Variants in CDH4 observed in about 807,000 individuals in gnomAD.
The protein encoded by CDH4 is cadherin-4.
Under a neutral mutation model 86.0 loss-of-function variants are expected in CDH4, and 33 were observed. That is an observed-to-expected ratio of 0.38 (90% confidence interval 0.29 to 0.51). The LOEUF is 0.51. CDH4 is among the 20% of genes least tolerant of loss of function. The probability of loss-of-function intolerance (pLI) is 0.86; values close to 1 mark genes in which losing one functional copy is unlikely to be tolerated. For synonymous variants in CDH4, 555 were observed against 549.4 expected, an observed-to-expected ratio of 1.01 and a Z score of -0.14; for missense variants, 1,114 against 1,307.4, an observed-to-expected ratio of 0.85 and a Z score of 2.28.
chr20:61,766,792 G>A (rs989421364), intron 3 of CDH4, among the ~76,000 whole-genome samples: 26 of 152,094 alleles, frequency 1.7e-4, no homozygotes, highest in African/African-American at 2.7e-4. Flanking sequence ...TTCCTGGCCC[G>A]TCCTGCCTGG....
At chr20:61,434,232 C>T (rs2085267397) in intron 2 of CDH4, among the ~76,000 whole-genome samples, 1 of 152,190 alleles carries the variant, frequency 6.6e-6, no homozygotes, top group South Asian at 2.1e-4. Context: ...AGCTCACACC[C>T]ACCATGGTTT....
Position 61,368,546 on chromosome 20 carries a change from AT to A in CDH4, c.169+113622del, listed in dbSNP as rs897452791. Among the ~76,000 whole-genome samples the A allele has an allele frequency of 1.3e-3, 185 of 147,064 alleles. 1 individual carries two copies. The highest frequency in any genetic ancestry group is 3.5e-3 in the Middle Eastern group (1 of 282). Reference sequence around the variant, plus strand: ...TTTATAAGTCACCCAAGGAATGGTAATTTTTTTTTTTTTGAGACAGAGTCTT... The same window carrying A: ...TTTATAAGTCACCCAAGGAATGGTAATTTTTTTTTTTTGAGACAGAGTCTT... On this transcript the variant is annotated intron_variant, in intron 2 of 15. Transcript: ENST00000614565.
intron 2 of CDH4, among the ~76,000 whole-genome samples, chr20:61,620,184 G>A: frequency 6.6e-6 from 1 of 150,770 alleles, no homozygotes. Context: ...ATGGGTGGGT[G>A]GGTGGATGGA....
intron 2 of CDH4, among the ~76,000 whole-genome samples, chr20:61,413,477 C>T (rs527543218): frequency 1.3e-3 from 199 of 152,248 alleles, no homozygotes; most frequent in African/African-American, 4.7e-3. Context: ...TAACAAGCCC[C>T]CCTGAGCCTC....
intron 2 of CDH4, among the ~76,000 whole-genome samples, chr20:61,642,754 C>T (rs1202120887): frequency 1.3e-5 from 2 of 152,194 alleles, no homozygotes; most frequent in Non-Finnish European, 2.9e-5. Flanking sequence ...ATTGAGGCTC[C>T]AGGGGAGAAA....
intron 2 of CDH4, among the ~76,000 whole-genome samples, chr20:61,567,441 A>T (rs1342150381): frequency 6.6e-6 from 1 of 152,196 alleles, no homozygotes; most frequent in African/African-American, 2.4e-5. Context: ...GTGTCCTGGC[A>T]TGGCAAGGGG....
intron 4 of CDH4, among the ~76,000 whole-genome samples, chr20:61,835,605 G>A (rs1386094867): frequency 6.6e-6 from 1 of 152,242 alleles, no homozygotes; most frequent in Non-Finnish European, 1.5e-5. Flanking sequence ...CTGGCCTCAA[G>A]GCTCAGTTCA....
At chr20:61,641,087 C>T (rs1341338440) in intron 2 of CDH4, among the ~76,000 whole-genome samples, 2 of 152,190 alleles carry the variant, frequency 1.3e-5, no homozygotes, top group Non-Finnish European at 2.9e-5. Flanking sequence ...CAGCCCTGTG[C>T]TGCCCTCTCA....
rs148545959 is a variant in CDH4 at position 61,732,971 on chromosome 20, C to T, written c.170-10592C>T. ...CCCCTTCAGCACCGGCTAGAGTGAC[C>T]AGCTGGGGGCCTAATTCTCCCCCTC... On this transcript the variant is annotated intron_variant, in intron 2 of 15. Transcript: ENST00000614565. Among the ~76,000 whole-genome samples, 1,193 of 152,260 alleles carry T rather than the reference C, an allele frequency of 7.8e-3. 25 individuals are homozygous for T. Among genetic ancestry groups the T allele is most frequent in the African/African-American group, 0.027 (1,134 of 41,544 alleles).
intron 2 of CDH4, among the ~76,000 whole-genome samples, chr20:61,391,035 G>C (rs977669774): frequency 3.3e-5 from 5 of 152,162 alleles, no homozygotes; most frequent in African/African-American, 1.2e-4. Flanking sequence ...GCCGCAGTGG[G>C]GGGTAGCCTG....
At chr20:61,737,294 C>T (rs1475042104) in intron 2 of CDH4, among the ~76,000 whole-genome samples, 5 of 152,122 alleles carry the variant, frequency 3.3e-5, no homozygotes, top group African/African-American at 4.8e-5. Flanking sequence ...GAACAGGAGG[C>T]CAGCGGTATG....
intron 2 of CDH4, among the ~76,000 whole-genome samples, chr20:61,686,379 GTA>G (rs369722630): frequency 6.6e-6 from 1 of 152,010 alleles, no homozygotes; most frequent in Admixed American, 6.5e-5. Flanking sequence ...TCGCATGTGT[GTA>G]TATGTGTGTG....
Position 61,252,442 on chromosome 20 carries a change from T to TCGGCGGCGG in CDH4, c.-55_-47dup, listed in dbSNP as rs3048343. 1.7e-5 allele frequency: 11 copies of TCGGCGGCGG among 646,266 alleles called. No homozygotes were observed. Among genetic ancestry groups the TCGGCGGCGG allele is most frequent in the Non-Finnish European group, 2.1e-5 (11 of 521,478 alleles). The allele number at this position is 646,266 out of a possible 1,614,324, so 40.0% of individuals were successfully genotyped here. On this transcript the variant is annotated 5_prime_UTR_variant, in exon 1 of 16. Transcript: ENST00000614565. This position sits in a 1 kb window ranked among gnomAD's most constrained non-coding sequence, Gnocchi z 4.4. ...GGCGATCGGAGCGGCGGCGGTGGTC[T>TCGGCGGCGG]CGGCGGCGGCGGCGGCGGCGGCGGC...
intron 6 of CDH4, among the ~76,000 whole-genome samples, chr20:61,854,008 G>A (rs559442219): frequency 1.3e-5 from 2 of 152,186 alleles, no homozygotes; most frequent in Non-Finnish European, 2.9e-5. Context: ...ATTTAGGACG[G>A]ACTTACACTA....
chr20:61,720,356 G>A (rs1379680302), intron 2 of CDH4, among the ~76,000 whole-genome samples: 4 of 152,128 alleles, frequency 2.6e-5, no homozygotes, highest in Non-Finnish European at 5.9e-5. Flanking sequence ...ACTTGAGAGT[G>A]ATGCAGGGGA....
At chr20:61,908,048 C>T (rs956542890) in intron 8 of CDH4, among the ~76,000 whole-genome samples, 6 of 152,182 alleles carry the variant, frequency 3.9e-5, no homozygotes, top group Non-Finnish European at 7.3e-5. Context: ...AGAGCTGGGC[C>T]GGGCTGCGGG....
At chr20:61,322,218 G>A (rs758327080) in intron 2 of CDH4, among the ~76,000 whole-genome samples, 4 of 152,154 alleles carry the variant, frequency 2.6e-5, no homozygotes, top group South Asian at 2.1e-4. Flanking sequence ...GGGAGCTAAC[G>A]TTCCTCATTT....
chr20:61,802,603 C>T (rs1429495290), intron 4 of CDH4, among the ~76,000 whole-genome samples: 2 of 152,148 alleles, frequency 1.3e-5, no homozygotes, highest in Non-Finnish European at 2.9e-5. Context: ...GGAGTCCACG[C>T]GTGGGTTTTT....
At chr20:61,415,140 A>G (rs1386525699) in intron 2 of CDH4, among the ~76,000 whole-genome samples, 2 of 152,204 alleles carry the variant, frequency 1.3e-5, no homozygotes, top group African/African-American at 4.8e-5. Context: ...TGGGGTCCCC[A>G]CACTAGTGGC....
Sources: gnomAD v4.1 joint callset for allele counts (sites outside exome capture counted in the v4.1 genomes callset) on GRCh38, gnomAD v4.1.1 for gene constraint, Gnocchi (gnomAD v3.1) non-coding constraint, MANE v1.5 for transcripts, NCBI Gene and HGNC (gene_info 2026-07-23, HGNC 2026-07-21) for gene names.